MAP7D2: variants seen among roughly 807,000 people sequenced by gnomAD.
MAP7D2 encodes MAP7 domain-containing protein 2.
In MAP7D2, 33 loss-of-function variants were observed where a neutral mutation model predicts 63.5. That is an observed-to-expected ratio of 0.52 (90% confidence interval 0.39 to 0.70). The LOEUF is 0.70. Among genes scored for constraint, MAP7D2 ranks in the 30% least tolerant of loss-of-function variants. The pLI, the probability that MAP7D2 is intolerant of heterozygous loss-of-function variation, is 0.00. For missense variants in MAP7D2, 626 were observed against 604.0 expected (o/e 1.04, Z -0.38); for synonymous variants, 224 against 223.7 (o/e 1.00, Z -0.01).
chrX:20,013,185 A>G (rs1324377613), intron 13 of MAP7D2, 53 bp from the exon 14 acceptor site: 1 of 951,816 alleles, frequency 1.1e-6, no homozygotes, highest in Non-Finnish European at 1.5e-6. Context: ...ATCACACAGA[A>G]AAAAAGTACT....
chrX:20,020,909 G>A (rs1039645258), intron 10 of MAP7D2, among the ~76,000 whole-genome samples: 1 of 111,738 alleles, frequency 8.9e-6, no homozygotes, highest in Non-Finnish European at 1.9e-5. Context: ...GGCTCAACTC[G>A]AACTCCTGGC....
chrX:20,074,067 G>A lies in MAP7D2; in HGVS notation c.131-9262C>T, dbSNP rs778535324. ...GGAGAATCACTTGAATCTGGGAGGC[G>A]GAGGCTGCGGTGAGCCATGACTGCG... On this transcript the variant is annotated intron_variant, in intron 1 of 16. Coordinates refer to ENST00000379643, the MANE Select transcript of MAP7D2 (RefSeq NM_001168465.2). Among the ~76,000 whole-genome samples the A allele has an allele frequency of 1.2e-3, 125 of 106,032 alleles. 1 individual carries two copies. The highest frequency in any genetic ancestry group is 4.1e-3 in the African/African-American group (119 of 29,200). The allele number at this position is 106,032 out of a possible 115,157, so 92.1% of individuals were successfully genotyped here.
chrX:20,045,062 C>A (rs2148289015), intron 6 of MAP7D2, among the ~76,000 whole-genome samples: 1 of 111,300 alleles, frequency 9.0e-6, no homozygotes, highest in South Asian at 3.8e-4. Context: ...ATCTAGCCCC[C>A]AGTAAAAACC....
At chrX:20,111,049 C>A (rs772231647) in intron 1 of MAP7D2, among the ~76,000 whole-genome samples, 16 of 111,605 alleles carry the variant, frequency 1.4e-4, no homozygotes, top group Non-Finnish European at 2.3e-4. Flanking sequence ...CAAAGCACAG[C>A]AGCCACGCTG....
rs1473921778 is a variant in MAP7D2 at position 20,032,700 on chromosome X, A to G, written c.1008-6748T>C. Among the ~76,000 whole-genome samples the G allele has an allele frequency of 4.5e-5, 5 of 112,220 alleles. No homozygotes were observed. In the East Asian group the frequency reaches 1.1e-3, roughly 25 times the overall value. The stretch of plus-strand genomic sequence containing the variant: ...TATCTTTGGCACACTGAATTTTCCA[A>G]AGTTGGCCACAATAATATCTCCCAT... On this transcript the variant is annotated intron_variant, in intron 8 of 16. Coordinates refer to ENST00000379643, the MANE Select transcript of MAP7D2 (RefSeq NM_001168465.2).
At chrX:20,018,397 A>ACC (rs1199317819) in intron 10 of MAP7D2, among the ~76,000 whole-genome samples, 1 of 102,216 alleles carries the variant, frequency 9.8e-6, no homozygotes, top group Non-Finnish European at 2.0e-5. Context: ...AGCCCATGAG[A>ACC]CCCCGCTTGT....
At chrX:20,064,678 C>T (rs763301285) in intron 2 of MAP7D2, 50 bp downstream of exon 2, 7 of 1,026,716 alleles carry the variant, frequency 6.8e-6, no homozygotes, top group African/African-American at 5.6e-5. Context: ...GAAAAGACAC[C>T]ACCATATCTC....
Position 20,009,118 on chromosome X carries a change from A to G in MAP7D2, c.*27-720T>C, listed in dbSNP as rs2073093725. On this transcript the variant is annotated intron_variant, in intron 16 of 16. Transcript: ENST00000379643. Reference sequence around the variant, plus strand: ...CAAACCAGTGATACAGTTTACTCTAAAAGTGACCCACCACACACCAAGAAC... The same window carrying G: ...CAAACCAGTGATACAGTTTACTCTAGAAGTGACCCACCACACACCAAGAAC... 4.5e-5 allele frequency among the ~76,000 whole-genome samples: 5 copies of G among 111,600 alleles called. No individual in the cohort carries two copies. In the South Asian group the frequency reaches 1.9e-3, roughly 42 times the overall value.
chrX:20,031,993 C>T (rs985116445), intron 8 of MAP7D2, among the ~76,000 whole-genome samples: 4 of 111,477 alleles, frequency 3.6e-5, no homozygotes, highest in Non-Finnish European at 7.5e-5. Context: ...ATGTGAGAGA[C>T]TGTGCAAGAC....
chrX:20,077,346 G>A (rs1029926057), intron 1 of MAP7D2, among the ~76,000 whole-genome samples: 4 of 111,382 alleles, frequency 3.6e-5, no homozygotes, highest in South Asian at 3.7e-4. Context: ...CCAGCTACTC[G>A]AGAGGCTGAG....
At chrX:20,064,904 C>G (rs891358703) in intron 1 of MAP7D2, 99 bp from the exon 2 acceptor site, 7 of 643,363 alleles carry the variant, frequency 1.1e-5, no homozygotes, top group Non-Finnish European at 1.8e-5. Flanking sequence ...TCTGACTGCA[C>G]GTGCACATCA....
chrX:20,059,095 CTCTAAG>C (rs1651414855), intron 3 of MAP7D2, among the ~76,000 whole-genome samples: 1 of 112,224 alleles, frequency 8.9e-6, no homozygotes, highest in Non-Finnish European at 1.9e-5. Flanking sequence ...CACCAGATCA[CTCTAAG>C]TCTATTTGAT....
At position 20,087,297 on chromosome X, in the gene MAP7D2, C is replaced by T. The variant is rs564870924; in HGVS notation, c.131-22492G>A. Among the ~76,000 whole-genome samples the T allele has an allele frequency of 6.2e-5, 7 of 112,017 alleles. No homozygotes were observed. The South Asian group carries it at 1.9e-3, about 30-fold the overall frequency. ...GGTCATGAGGGTTTGGTGCTATGCT[C>T]GTGGTAATGAGAGTTCTTGCTCTGT... is the stretch of plus-strand genomic sequence containing the variant. On this transcript the variant is annotated intron_variant, in intron 1 of 16. Transcript: ENST00000379643.
At chrX:20,024,785 T>C (rs922694114) in intron 10 of MAP7D2, among the ~76,000 whole-genome samples, 166 bp downstream of exon 10, 2 of 112,232 alleles carry the variant, frequency 1.8e-5, no homozygotes, top group African/African-American at 3.2e-5. Context: ...TTACATCTAA[T>C]ATAAGACTCA....
chrX:20,012,906 C>A (rs956299888), intron 14 of MAP7D2, 148 bp downstream of exon 14: 2 of 504,360 alleles, frequency 4.0e-6, no homozygotes, highest in South Asian at 3.5e-5. Flanking sequence ...AGTCCCTGTG[C>A]TGGAGACACA....
chrX:20,053,091 T>C, intron 4 of MAP7D2, 103 bp from the exon 5 acceptor site: 1 of 546,896 alleles, frequency 1.8e-6, no homozygotes, highest in Non-Finnish European at 3.1e-6. Flanking sequence ...ACGCACCTCC[T>C]AAATGCTGTG....
intron 4 of MAP7D2, among the ~76,000 whole-genome samples, chrX:20,055,325 C>G (rs753246656): frequency 1.8e-5 from 2 of 111,981 alleles, no homozygotes; most frequent in Non-Finnish European, 3.8e-5. Context: ...GAATCTATCA[C>G]TTTAACACTA....
intron 1 of MAP7D2, 162 bp downstream of exon 1, chrX:20,116,588 A>C: frequency 1.0e-6 from 1 of 967,323 alleles, no homozygotes; most frequent in Non-Finnish European, 1.3e-6. Flanking sequence ...CGGCCCTTGG[A>C]TGCACGTCCG....
chrX:20,109,174 C>T (rs1231319291), intron 1 of MAP7D2, among the ~76,000 whole-genome samples: 3 of 107,975 alleles, frequency 2.8e-5, no homozygotes, highest in East Asian at 5.8e-4. Flanking sequence ...AGCTCATGCG[C>T]GAAAGGAGTT....
Sources: gnomAD v4.1 joint callset for allele counts (sites outside exome capture counted in the v4.1 genomes callset) on GRCh38, gnomAD v4.1.1 for gene constraint, MANE v1.5 for transcripts, NCBI Gene and HGNC (gene_info 2026-07-23, HGNC 2026-07-21) for gene names.